PCDH15: variants seen among roughly 807,000 people sequenced by gnomAD.
The protein encoded by PCDH15 is protocadherin related 15.
In PCDH15, 129 loss-of-function variants were observed where a neutral mutation model predicts 178.5. The ratio of observed to expected loss-of-function variants is 0.72; its 90% confidence interval spans 0.63 to 0.84. The LOEUF is 0.84. Among genes scored for constraint, PCDH15 ranks in the 40% least tolerant of loss-of-function variants. The probability of loss-of-function intolerance (pLI) is 0.00; values close to 1 mark genes in which losing one functional copy is unlikely to be tolerated. For synonymous variants in PCDH15, 800 were observed against 732.0 expected, an observed-to-expected ratio of 1.09 and a Z score of -1.50; for missense variants, 2,230 against 2,099.9, an observed-to-expected ratio of 1.06 and a Z score of -1.21.
intron 2 of PCDH15, among the ~76,000 whole-genome samples, chr10:55,356,987 A>C (rs1845096054): frequency 6.6e-6 from 1 of 151,996 alleles, no homozygotes; most frequent in Non-Finnish European, 1.5e-5. Context: ...TTTAAAAATG[A>C]GGAAACACAT....
intron 1 of PCDH15, among the ~76,000 whole-genome samples, chr10:54,783,199 G>C (rs1333277088): frequency 1.3e-5 from 2 of 151,734 alleles, no homozygotes; most frequent in East Asian, 1.9e-4. Context: ...ACAGATACAA[G>C]AAAACACAGA....
chr10:55,345,370 T>C (rs1313556558), intron 2 of PCDH15, among the ~76,000 whole-genome samples: 2 of 152,026 alleles, frequency 1.3e-5, no homozygotes, highest in Non-Finnish European at 2.9e-5. Context: ...GGATGCTATA[T>C]ATCACCTCAA....
At chr10:55,566,118 TTATTAA>T (rs1470399013) in intron 2 of PCDH15, among the ~76,000 whole-genome samples, 4 of 151,658 alleles carry the variant, frequency 2.6e-5, no homozygotes, top group Non-Finnish European at 1.5e-5. Flanking sequence ...CAAAAGAGAT[TTATTAA>T]TATTAATGGA....
At chr10:53,870,818 G>A (rs1401075021) in intron 26 of PCDH15, among the ~76,000 whole-genome samples, 2 of 152,060 alleles carry the variant, frequency 1.3e-5, no homozygotes, top group East Asian at 1.9e-4. Flanking sequence ...AACAGGATAC[G>A]ATATCTTTAA....
rs576964828 is a variant in PCDH15 at position 54,499,990 on chromosome 10, C to T, written c.157+27822G>A. On this transcript the variant is annotated intron_variant, in intron 3 of 37. Transcript: ENST00000644397. ...AATCTTTCTACCAAAAAGACACATG[C>T]GCACATATGTTCATTGCAGCAGTAT... Among the ~76,000 whole-genome samples, 119 of 152,208 alleles carry T rather than the reference C, an allele frequency of 7.8e-4. 1 individual carries two copies. Among genetic ancestry groups the T allele is most frequent in the African/African-American group, 1.3e-3 (55 of 41,542 alleles).
intron 2 of PCDH15, among the ~76,000 whole-genome samples, chr10:54,613,542 T>A (rs955481309): frequency 2.7e-5 from 4 of 150,710 alleles, no homozygotes; most frequent in Admixed American, 2.6e-4. Flanking sequence ...CATACACATA[T>A]GCACAAGGTA....
At chr10:53,810,051 GTAAA>G (rs2075809684) in intron 37 of PCDH15, among the ~76,000 whole-genome samples, 1 of 152,090 alleles carries the variant, frequency 6.6e-6, no homozygotes, top group African/African-American at 2.4e-5. Flanking sequence ...AATTTGCCAA[GTAAA>G]TAGTGAAGAC....
chr10:55,055,573 C>T (rs1841276599), intron 2 of PCDH15, among the ~76,000 whole-genome samples: 1 of 152,140 alleles, frequency 6.6e-6, no homozygotes, highest in African/African-American at 2.4e-5. Flanking sequence ...GAGGCTGAGG[C>T]AGGTGGATAC....
intron 1 of PCDH15, among the ~76,000 whole-genome samples, chr10:54,741,511 C>A (rs1362303772): frequency 6.6e-6 from 1 of 151,954 alleles, no homozygotes; most frequent in Non-Finnish European, 1.5e-5. Flanking sequence ...ATTCCTATTA[C>A]TGCTATTACC....
At chr10:55,094,940 T>TC in intron 2 of PCDH15, among the ~76,000 whole-genome samples, 1 of 150,966 alleles carries the variant, frequency 6.6e-6, no homozygotes, top group African/African-American at 2.4e-5. Context: ...TTTTTTTTTT[T>TC]TTTTTTTATC....
At chr10:55,266,575 C>A (rs1842301271) in intron 1 of PCDH15, among the ~76,000 whole-genome samples, 1 of 152,108 alleles carries the variant, frequency 6.6e-6, no homozygotes, top group African/African-American at 2.4e-5. Flanking sequence ...CTTGCCACAC[C>A]CCATCCTGTA....
intron 28 of PCDH15, among the ~76,000 whole-genome samples, chr10:53,855,899 G>GATGTGTATATATATATATATATATATAT (rs1554832729): frequency 1.4e-4 from 11 of 77,846 alleles, no homozygotes; most frequent in African/African-American, 8.1e-4. Flanking sequence ...AAAAAAAGGT[G>GATGTGTATATATATATATATATATATAT]ATATGTATAT....
intron 4 of PCDH15, among the ~76,000 whole-genome samples, chr10:54,369,618 AAAGT>A (rs1338222465): frequency 6.6e-6 from 1 of 152,038 alleles, no homozygotes; most frequent in African/African-American, 2.4e-5. Flanking sequence ...TAATTTGAAG[AAAGT>A]GTTAATTAAT....
chr10:54,231,061 C>A (rs1224746756), intron 9 of PCDH15, among the ~76,000 whole-genome samples: 2 of 152,164 alleles, frequency 1.3e-5, no homozygotes, highest in Non-Finnish European at 2.9e-5. Flanking sequence ...GCAGAAATTT[C>A]AGCTACATAT....
chr10:55,488,482 T>C (rs1312319545), intron 2 of PCDH15, among the ~76,000 whole-genome samples: 1 of 151,606 alleles, frequency 6.6e-6, no homozygotes, highest in Non-Finnish European at 1.5e-5. Flanking sequence ...AGATTTTCAT[T>C]ACAGGCAGAG....
chr10:54,733,151 AAATT>A (rs1167732636), intron 1 of PCDH15, among the ~76,000 whole-genome samples: 1 of 151,598 alleles, frequency 6.6e-6, no homozygotes, highest in African/African-American at 2.4e-5. Flanking sequence ...AAGACAAAGA[AAATT>A]AATAAAATCC....
intron 3 of PCDH15, among the ~76,000 whole-genome samples, chr10:54,808,320 A>G (rs1253018717): frequency 2.0e-5 from 3 of 152,178 alleles, no homozygotes; most frequent in Non-Finnish European, 2.9e-5. Flanking sequence ...GAAAACTGGC[A>G]TTTATGCAAA....
chr10:55,552,427 T>C (rs1460160946), intron 2 of PCDH15, among the ~76,000 whole-genome samples: 1 of 151,594 alleles, frequency 6.6e-6, no homozygotes, highest in East Asian at 1.9e-4. Flanking sequence ...TATTTTCTTG[T>C]GGGTTAATAC....
chr10:54,840,918 G>T (rs1241322548), intron 3 of PCDH15, among the ~76,000 whole-genome samples: 1 of 151,688 alleles, frequency 6.6e-6, no homozygotes, highest in Non-Finnish European at 1.5e-5. Flanking sequence ...ATAGATCTAA[G>T]TATATAAAGG....
Sources: allele counts gnomAD v4.1 joint callset (sites outside exome capture counted in the v4.1 genomes callset), GRCh38; gene constraint gnomAD v4.1.1; transcripts MANE v1.5; gene names NCBI Gene and HGNC (gene_info 2026-07-23, HGNC 2026-07-21).